LOC128462377: variants seen among roughly 807,000 people sequenced by gnomAD.
At chr16:89,359,297 T>C in the LOC128462377 span, among the ~76,000 whole-genome samples, 1 of 152,110 alleles carries the variant, frequency 6.6e-6, no homozygotes, top group Non-Finnish European at 1.5e-5. Flanking sequence ...TAGTAAAGAC[T>C]CCAGAAAATC....
the LOC128462377 span, among the ~76,000 whole-genome samples, chr16:89,340,813 A>G: frequency 6.6e-6 from 1 of 152,238 alleles, no homozygotes; most frequent in Non-Finnish European, 1.5e-5. Flanking sequence ...CACACAGAAA[A>G]TGTACAGGTA....
At chr16:89,372,365 CCCGAGT>C in the LOC128462377 span, among the ~76,000 whole-genome samples, 1 of 152,184 alleles carries the variant, frequency 6.6e-6, no homozygotes. Flanking sequence ...GTGTGGAGAG[CCCGAGT>C]CACGGAGCCC....
At chr16:89,398,992 G>GT in the LOC128462377 span, among the ~76,000 whole-genome samples, 1 of 152,162 alleles carries the variant, frequency 6.6e-6, no homozygotes, top group African/African-American at 2.4e-5. Flanking sequence ...AGCATCATCA[G>GT]TTTTTTAAAA....
At chr16:89,342,511 G>C in the LOC128462377 span, among the ~76,000 whole-genome samples, 1 of 152,252 alleles carries the variant, frequency 6.6e-6, no homozygotes, top group African/African-American at 2.4e-5. Context: ...AGGCCAGCGT[G>C]AACTCGCTGC....
chr16:89,411,742 T>C, the LOC128462377 span, among the ~76,000 whole-genome samples: 1 of 152,068 alleles, frequency 6.6e-6, no homozygotes, highest in African/African-American at 2.4e-5. Flanking sequence ...AGTAAGCACA[T>C]CCCAAATCAT....
At chr16:89,401,724 C>T in the LOC128462377 span, among the ~76,000 whole-genome samples, 2 of 152,186 alleles carry the variant, frequency 1.3e-5, no homozygotes, top group South Asian at 2.1e-4. Context: ...TAGGGTGGGC[C>T]CTCACCCCAC....
At chr16:89,317,096 C>G in the LOC128462377 span, 1 of 1,465,382 alleles carries the variant, frequency 6.8e-7, no homozygotes, top group East Asian at 2.4e-5. Context: ...AGAGAAGACA[C>G]ACAATTCACT....
the LOC128462377 span, among the ~76,000 whole-genome samples, chr16:89,415,642 A>G: frequency 6.6e-6 from 1 of 151,276 alleles, no homozygotes; most frequent in Non-Finnish European, 1.5e-5. Flanking sequence ...AGCCTGGCCA[A>G]CACAGTGAAA....
chr16:89,402,136 G>A, the LOC128462377 span, among the ~76,000 whole-genome samples: 1 of 152,160 alleles, frequency 6.6e-6, no homozygotes, highest in Non-Finnish European at 1.5e-5. Context: ...TTTTCCATAA[G>A]GCACTGAATC....
chr16:89,381,419 C>T, the LOC128462377 span, among the ~76,000 whole-genome samples: 4 of 151,134 alleles, frequency 2.6e-5, no homozygotes, highest in Non-Finnish European at 5.9e-5. Flanking sequence ...CTCCCAGACA[C>T]CAACACCTAC....
chr16:89,352,867 CCT>C, the LOC128462377 span, among the ~76,000 whole-genome samples: 1 of 152,214 alleles, frequency 6.6e-6, no homozygotes, highest in African/African-American at 2.4e-5. Flanking sequence ...TTGTCCTTTC[CCT>C]CTTTTCTCTC....
the LOC128462377 span, among the ~76,000 whole-genome samples, chr16:89,404,669 G>A: frequency 1.3e-5 from 2 of 152,226 alleles, no homozygotes; most frequent in African/African-American, 4.8e-5. Flanking sequence ...GAGAAACTCT[G>A]GATGCCACAA....
the LOC128462377 span, among the ~76,000 whole-genome samples, chr16:89,352,220 T>G: frequency 6.6e-6 from 1 of 152,014 alleles, no homozygotes; most frequent in African/African-American, 2.4e-5. Flanking sequence ...ATGAGACACG[T>G]TTCCCTAGGG....
At chr16:89,334,165 A>AAAAAAAAAG in the LOC128462377 span, among the ~76,000 whole-genome samples, 2 of 145,026 alleles carry the variant, frequency 1.4e-5, no homozygotes, top group Admixed American at 7.0e-5. Context: ...AAAAAAAAAA[A>AAAAAAAAAG]AAAAAAAACA....
At chr16:89,391,079 T>C in the LOC128462377 span, among the ~76,000 whole-genome samples, 7 of 151,842 alleles carry the variant, frequency 4.6e-5, no homozygotes, top group Admixed American at 2.6e-4. Flanking sequence ...ATACAAAAAA[T>C]TAGCCGGGCG....
At chr16:89,394,981 T>C in the LOC128462377 span, among the ~76,000 whole-genome samples, 1 of 152,184 alleles carries the variant, frequency 6.6e-6, no homozygotes, top group African/African-American at 2.4e-5. Flanking sequence ...GTTAAAAAGA[T>C]CTCCAAACCA....
At chr16:89,382,516 G>A in the LOC128462377 span, among the ~76,000 whole-genome samples, 3 of 151,542 alleles carry the variant, frequency 2.0e-5, no homozygotes, top group Non-Finnish European at 4.4e-5. Context: ...TAATAGAGAC[G>A]GGATTTCACC....
At chr16:89,317,482 G>A in the LOC128462377 span, among the ~76,000 whole-genome samples, 5 of 152,170 alleles carry the variant, frequency 3.3e-5, no homozygotes, top group Admixed American at 6.5e-5. Context: ...AACACGCAGC[G>A]CAGTACCCCA....
chr16:89,344,944 G>T, the LOC128462377 span, among the ~76,000 whole-genome samples: 7 of 152,320 alleles, frequency 4.6e-5, no homozygotes, highest in Non-Finnish European at 1.0e-4. Flanking sequence ...GAAAAAGAAT[G>T]GTTGGCAGAA....
Sources: gnomAD v4.1 joint callset for allele counts (sites outside exome capture counted in the v4.1 genomes callset) on GRCh38, gnomAD v4.1.1 for gene constraint, MANE v1.5 for transcripts.